The following COBLL1 variants were observed in gnomAD, a reference collection of about 807,000 sequenced individuals.
COBLL1 encodes cordon-bleu WH2 repeat protein like 1, also known as cordon-bleu protein-like 1.
In COBLL1, 50 loss-of-function variants were observed where a neutral mutation model predicts 94.8. The ratio of observed to expected loss-of-function variants is 0.53; its 90% CI spans 0.42 to 0.67. The LOEUF (loss-of-function observed/expected upper bound fraction) is 0.67. Among genes scored for constraint, COBLL1 ranks in the 30% least tolerant of loss-of-function variants. The pLI, the probability that COBLL1 is intolerant of heterozygous loss-of-function variation, is 0.00. For missense variants in COBLL1, 1,362 were observed against 1,348.7 expected, an observed-to-expected ratio of 1.01 and a Z score of -0.15; for synonymous variants, 448 against 473.8, an observed-to-expected ratio of 0.95 and a Z score of 0.71.
intron 2 of COBLL1, among the ~76,000 whole-genome samples, chr2:164,839,765 T>C (rs975427058): frequency 6.6e-6 from 1 of 152,232 alleles, no homozygotes; most frequent in Non-Finnish European, 1.5e-5. Context: ...ACCTTGCTTG[T>C]ATGCTCAATA....
At chr2:164,801,629 A>T (rs1034456091) in intron 2 of COBLL1, among the ~76,000 whole-genome samples, 53 of 151,874 alleles carry the variant, frequency 3.5e-4, no homozygotes, top group Non-Finnish European at 6.3e-4. Flanking sequence ...ATTTTTTTTT[A>T]ATTTAATAAA....
intron 7 of COBLL1, among the ~76,000 whole-genome samples, chr2:164,711,003 A>C (rs72878803): frequency 0.016 from 2,493 of 152,256 alleles, 24 homozygotes; most frequent in South Asian, 0.027. Flanking sequence ...AGTTGGAGAG[A>C]GGCTTACAGA....
chr2:164,723,578 G>GTAAAAA (rs1226029891), intron 5 of COBLL1: 1 of 151,928 alleles, frequency 6.6e-6, no homozygotes, highest in Non-Finnish European at 1.5e-5. Flanking sequence ...GTTTCTACTG[G>GTAAAAA]TAAAAATAAG....
chr2:164,841,446 A>G lies in COBLL1; in HGVS notation c.-50-200T>C. On this transcript the variant is annotated intron_variant, in intron 1 of 13. Coordinates refer to ENST00000652658, the MANE Select transcript of COBLL1 (RefSeq NM_001365672.2). This position sits in a 1 kb window ranked among gnomAD's most constrained non-coding sequence, Gnocchi z 5.5. ...TCTACAAGGTCTAGCGGGCGCCCAG[A>G]GCACGGCGGAGGAGGCGGTGGCGCT... 13 of 1,148,080 alleles carry G rather than the reference A, an allele frequency of 1.1e-5. No homozygotes were observed. The highest frequency in any genetic ancestry group is 3.6e-4 in the Middle Eastern group (1 of 2,768). 71.1% of individuals were successfully genotyped at this position (1,148,080 alleles called of 1,614,324 possible).
chr2:164,696,032 G>T (rs755559832), intron 11 of COBLL1, 196 bp from the exon 12 acceptor site: 3 of 496,990 alleles, frequency 6.0e-6, no homozygotes, highest in Non-Finnish European at 1.0e-5. Flanking sequence ...CTGAAGTTTG[G>T]AATCCCTGGC....
intron 7 of COBLL1, among the ~76,000 whole-genome samples, chr2:164,717,231 G>A (rs1685214811): frequency 6.6e-6 from 1 of 152,006 alleles, no homozygotes; most frequent in African/African-American, 2.4e-5. Flanking sequence ...TTTGTATCCT[G>A]AACAATAAAA....
chr2:164,806,910 T>C (rs1393663427), intron 2 of COBLL1, among the ~76,000 whole-genome samples: 1 of 152,186 alleles, frequency 6.6e-6, no homozygotes, highest in Middle Eastern at 3.4e-3. Context: ...TCTCACTAGT[T>C]GCCTAGGCTG....
upstream of COBLL1, chr2:164,841,930 C>G (rs1478638496): frequency 1.3e-6 from 2 of 1,519,538 alleles, no homozygotes; most frequent in East Asian, 2.5e-5. This position sits in a 1 kb window ranked among gnomAD's most constrained non-coding sequence, Gnocchi z 5.5. Flanking sequence ...CGCTGGGGGC[C>G]TCGCTGGAGC....
intron 2 of COBLL1, among the ~76,000 whole-genome samples, chr2:164,767,225 T>A (rs1687977065): frequency 6.6e-6 from 1 of 152,180 alleles, no homozygotes; most frequent in Non-Finnish European, 1.5e-5. Flanking sequence ...GAATGCTTTT[T>A]AATTTTTTTC....
At chr2:164,698,401 A>ATT (rs1208860746) in intron 11 of COBLL1, 1 of 142,574 alleles carries the variant, frequency 7.0e-6, no homozygotes, top group East Asian at 1.9e-4. Flanking sequence ...TATATATATA[A>ATT]TTATATATAT....
At position 164,685,882 on chromosome 2, in the gene COBLL1, T is replaced by G. The variant is rs1255399778; in HGVS notation, c.*64A>C. ...ACATCTGAATATACATTTGCCAAAA[T>G]GTTCCATTAGTATGAAGTTGGTCTG... On this transcript the variant is annotated 3_prime_UTR_variant, in exon 14 of 14. Coordinates refer to ENST00000652658, the MANE Select transcript of COBLL1 (RefSeq NM_001365672.2). 4.6e-6 allele frequency: 4 copies of G among 866,752 alleles called. No individual in the cohort carries two copies. The highest frequency in any genetic ancestry group is 4.3e-5 in the Admixed American group (2 of 46,316). 53.7% of individuals were successfully genotyped at this position (866,752 alleles called of 1,614,324 possible).
At position 164,704,464 on chromosome 2, in the gene COBLL1, G is replaced by A; in HGVS notation, c.1205C>T (p.Pro402Leu). The A allele has an allele frequency of 6.2e-7, 1 of 1,613,024 alleles. No individual in the cohort carries two copies. The highest frequency in any genetic ancestry group is 1.1e-5 in the South Asian group (1 of 91,058). The part of the protein sequence containing the change: ...PPDSASEANS[P>L]EELSSPAGIS... ...CATACCTGGGCTGGATAGCTCCTCA[G>A]GAGAGTTTGCTTCTGAAGCACTGTC... The change falls in exon 9 of 14, where the codon CCT becomes CTT. Residue 402 changes from proline to leucine, a missense_variant. Coordinates refer to ENST00000652658, the MANE Select transcript of COBLL1 (RefSeq NM_001365672.2).
chr2:164,761,096 T>C (rs1687660576), intron 2 of COBLL1, among the ~76,000 whole-genome samples: 1 of 152,084 alleles, frequency 6.6e-6, no homozygotes, highest in Non-Finnish European at 1.5e-5. Context: ...CATGCAATGA[T>C]GTTATGGATC....
In COBLL1 at chr2:164,744,850, TATAAC is replaced by T. The variant is rs564687982; in HGVS notation, c.42-980_42-976del. On this transcript the variant is annotated intron_variant, in intron 2 of 13. Transcript: ENST00000652658. ...CACTAAGACAACCTCTTAACTAACT[TATAAC>T]AGAAATAGTAGACATTCTGAACTTA... 2.3e-4 allele frequency among the ~76,000 whole-genome samples: 35 copies of T among 152,252 alleles called. No homozygotes were observed. The South Asian group carries it at 6.6e-3, about 29-fold the overall frequency.
chr2:164,712,036 T>C (rs572592715), intron 7 of COBLL1, among the ~76,000 whole-genome samples: 19 of 152,278 alleles, frequency 1.2e-4, no homozygotes, highest in African/African-American at 4.3e-4. Flanking sequence ...TTGAAAACCA[T>C]GCCAGATTGT....
rs1684416057 is a variant in COBLL1, at chr2:164,703,323, A to T, written c.1225+1121T>A. 3 of 715,744 alleles carry T rather than the reference A, an allele frequency of 4.2e-6. No homozygotes were observed. In the East Asian group the frequency reaches 7.9e-5, roughly 19 times the overall value. 44.3% of individuals were successfully genotyped at this position (715,744 alleles called of 1,614,324 possible). A position where few individuals can be genotyped will look rare whatever the true frequency, so the allele number is the denominator to read the frequency against. ...GAAGAAATCAGATTTGTTAGCTCAC[A>T]ATTATCCATGCATTAAATAAGAAGA... On this transcript the variant is annotated intron_variant, in intron 9 of 13. Coordinates refer to ENST00000652658, the MANE Select transcript of COBLL1 (RefSeq NM_001365672.2).
chr2:164,761,690 C>T (rs1386477729), intron 2 of COBLL1, among the ~76,000 whole-genome samples: 1 of 152,070 alleles, frequency 6.6e-6, no homozygotes, highest in South Asian at 2.1e-4. Context: ...AGCATCGAGG[C>T]ACTTGATTTA....
rs1412410107 is a variant in COBLL1 at position 164,722,439 on chromosome 2, T to C, written c.745A>G (p.Lys249Glu). 1 of 1,525,248 alleles carries C rather than the reference T, an allele frequency of 6.6e-7. No individual in the cohort carries two copies. The highest frequency in any genetic ancestry group is 2.3e-5 in the Admixed American group (1 of 44,390). 94.5% of individuals were successfully genotyped at this position (1,525,248 alleles called of 1,614,324 possible). Residue 249 changes from lysine to glutamate, a missense_variant, in exon 6 of 14, where the codon AAA becomes GAA. Transcript: ENST00000652658. ...AAAATACTTACTTGGTCTCGCTTTT[T>C]CTTACTGCGTTGAAAAAAACTGAAA... ...GFFSFFQRSK[K>E]KRDQTASAPA... is the part of the protein sequence containing the mutation.
intron 3 of COBLL1, 87 bp downstream of exon 3, chr2:164,743,600 A>G: frequency 9.3e-7 from 1 of 1,077,926 alleles, no homozygotes; most frequent in African/African-American, 1.6e-5. Context: ...GTTTTGTCAA[A>G]GAACAAACAT....
Sources: allele counts gnomAD v4.1 joint callset (sites outside exome capture counted in the v4.1 genomes callset), GRCh38; gene constraint gnomAD v4.1.1; non-coding constraint Gnocchi (gnomAD v3.1); transcripts MANE v1.5; gene names NCBI Gene and HGNC (gene_info 2026-07-23, HGNC 2026-07-21).